The following LRFN2 variants were observed in gnomAD, a reference collection of about 807,000 sequenced individuals.
LRFN2 encodes the protein leucine-rich repeat and fibronectin type-III domain-containing protein 2.
Under a neutral mutation model 37.3 loss-of-function variants are expected in LRFN2, and 18 were observed. That is an observed-to-expected ratio of 0.48 (90% confidence interval 0.33 to 0.72). LRFN2 has a LOEUF of 0.72. Ranked by LOEUF, LRFN2 falls within the 30% of genes least tolerant of loss-of-function variation. The pLI is 0.02. For missense variants in LRFN2, 1,006 were observed against 1,060.7 expected (o/e 0.95, Z 0.72); for synonymous variants, 556 against 466.6 (o/e 1.19, Z -2.47).
At chr6:40,453,949 A>C (rs578147876) in intron 1 of LRFN2, among the ~76,000 whole-genome samples, 7 of 152,072 alleles carry the variant, frequency 4.6e-5, no homozygotes, top group African/African-American at 1.7e-4. Context: ...CTTCAGGTAA[A>C]CCCTCCAGTC....
chr6:40,498,220 C>T (rs1297648139), intron 1 of LRFN2, among the ~76,000 whole-genome samples: 1 of 152,066 alleles, frequency 6.6e-6, no homozygotes, highest in Non-Finnish European at 1.5e-5. Context: ...AGATGGGACA[C>T]AGCTGGAAGG....
chr6:40,408,515 C>G (rs1163759747), intron 2 of LRFN2, among the ~76,000 whole-genome samples: 3 of 152,132 alleles, frequency 2.0e-5, no homozygotes, highest in Non-Finnish European at 4.4e-5. Context: ...TAGAGCAACT[C>G]CAGAGCAGAA....
chr6:40,431,357 A>G (rs1763476049), intron 2 of LRFN2, among the ~76,000 whole-genome samples: 1 of 152,184 alleles, frequency 6.6e-6, no homozygotes, highest in African/African-American at 2.4e-5. Context: ...GGGGAGTCAG[A>G]ACCTTCAGCC....
chr6:40,573,465 A>G (rs1331615544), intron 1 of LRFN2, among the ~76,000 whole-genome samples: 2 of 152,196 alleles, frequency 1.3e-5, no homozygotes, highest in African/African-American at 2.4e-5. Flanking sequence ...GCGTTTTGTG[A>G]GAATGAAATG....
chr6:40,472,720 G>A (rs567962460), intron 1 of LRFN2, among the ~76,000 whole-genome samples: 1 of 152,272 alleles, frequency 6.6e-6, no homozygotes, highest in Admixed American at 6.5e-5. Context: ...AGCAGCATTT[G>A]ACATGCTGAT....
chr6:40,458,956 C>A (rs898635758), intron 1 of LRFN2, among the ~76,000 whole-genome samples: 1 of 152,226 alleles, frequency 6.6e-6, no homozygotes, highest in Non-Finnish European at 1.5e-5. Context: ...TTATTTAAGC[C>A]ATTCTCTTTT....
intron 1 of LRFN2, among the ~76,000 whole-genome samples, chr6:40,544,352 T>A (rs1337134192): frequency 6.6e-6 from 1 of 152,228 alleles, no homozygotes; most frequent in Non-Finnish European, 1.5e-5. Context: ...TAGCATGAAT[T>A]CTCAGTGTCA....
chr6:40,397,242 T>A (rs1481100739), intron 2 of LRFN2, among the ~76,000 whole-genome samples: 1 of 152,124 alleles, frequency 6.6e-6, no homozygotes, highest in Non-Finnish European at 1.5e-5. Flanking sequence ...GAGCCTGGAT[T>A]TCCCCCTTCA....
At chr6:40,567,167 C>T (rs963946855) in intron 1 of LRFN2, among the ~76,000 whole-genome samples, 2 of 152,166 alleles carry the variant, frequency 1.3e-5, no homozygotes, top group Non-Finnish European at 2.9e-5. Context: ...GACTCCCTCC[C>T]TTACTTAGCC....
chr6:40,433,836 G>T (rs985352846), intron 1 of LRFN2, among the ~76,000 whole-genome samples: 1 of 152,140 alleles, frequency 6.6e-6, no homozygotes, highest in East Asian at 1.9e-4. Context: ...AGTGAATTCT[G>T]AACCCTTCAT....
chr6:40,423,657 A>G (rs1421870244), intron 2 of LRFN2, among the ~76,000 whole-genome samples: 2 of 152,304 alleles, frequency 1.3e-5, no homozygotes, highest in South Asian at 2.1e-4. Flanking sequence ...CCTAACTTGG[A>G]AAAAATAACC....
In LRFN2 at chr6:40,391,939, C is replaced by T. The variant is rs1762511321; in HGVS notation, c.*4G>A. ...CACAGGAAAGGGAGCATGCCCACCC[C>T]CACCTAGACCGTGCTCTCCATCACC... is the stretch of plus-strand genomic sequence containing the variant. On this transcript the variant is annotated 3_prime_UTR_variant, in exon 3 of 3. Coordinates refer to ENST00000338305, the MANE Select transcript of LRFN2 (RefSeq NM_020737.3). 1 of 1,540,084 alleles carries T rather than the reference C, an allele frequency of 6.5e-7. No homozygotes were observed. The highest frequency in any genetic ancestry group is 1.4e-5 in the African/African-American group (1 of 72,460).
chr6:40,470,700 G>A (rs1354756330), intron 1 of LRFN2, among the ~76,000 whole-genome samples: 2 of 152,134 alleles, frequency 1.3e-5, no homozygotes, highest in East Asian at 1.9e-4. Flanking sequence ...CCAGTGGTGA[G>A]CCCCTCTCAC....
chr6:40,459,272 T>G (rs1047343073), intron 1 of LRFN2, among the ~76,000 whole-genome samples: 4 of 152,132 alleles, frequency 2.6e-5, no homozygotes, highest in Admixed American at 2.6e-4. Flanking sequence ...GCCACCACAT[T>G]TTCAACAAAG....
chr6:40,427,524 A>G (rs1462381349), intron 2 of LRFN2, among the ~76,000 whole-genome samples: 1 of 152,234 alleles, frequency 6.6e-6, no homozygotes, highest in Non-Finnish European at 1.5e-5. Flanking sequence ...GCCCTCATGA[A>G]TGGCAAGGAG....
At chr6:40,441,833 C>T (rs552085170) in intron 1 of LRFN2, among the ~76,000 whole-genome samples, 6 of 152,168 alleles carry the variant, frequency 3.9e-5, no homozygotes, top group South Asian at 2.1e-4. Context: ...TGACCCCCAA[C>T]ACTGCCCATG....
At chr6:40,576,034 A>G (rs1767270824) in intron 1 of LRFN2, among the ~76,000 whole-genome samples, 1 of 152,214 alleles carries the variant, frequency 6.6e-6, no homozygotes, top group Admixed American at 6.5e-5. Context: ...ATAATATAAT[A>G]TAATGCAAGC....
At chr6:40,530,512 C>T (rs574753710) in intron 1 of LRFN2, among the ~76,000 whole-genome samples, 19 of 152,108 alleles carry the variant, frequency 1.2e-4, no homozygotes, top group Non-Finnish European at 2.8e-4. Context: ...ACATATGGCC[C>T]TGTTGGCCAT....
chr6:40,532,423 A>G (rs1368068938), intron 1 of LRFN2, among the ~76,000 whole-genome samples: 1 of 152,222 alleles, frequency 6.6e-6, no homozygotes, highest in African/African-American at 2.4e-5. Context: ...TTATCTTTTG[A>G]TACAATAGCC....
Sources: gnomAD v4.1 joint callset for allele counts (sites outside exome capture counted in the v4.1 genomes callset) on GRCh38, gnomAD v4.1.1 for gene constraint, MANE v1.5 for transcripts, NCBI Gene and HGNC (gene_info 2026-07-23, HGNC 2026-07-21) for gene names.